The following CHN2 variants were observed in gnomAD, a reference collection of about 807,000 sequenced individuals.
CHN2 encodes the protein chimerin 2, also known as beta-chimaerin.
CHN2 carries 35 observed loss-of-function variants against 56.3 expected under a neutral mutation model. That is an observed-to-expected ratio of 0.62 (90% CI 0.47 to 0.82). The LOEUF (loss-of-function observed/expected upper bound fraction) is 0.82. CHN2 is among the 40% of genes least tolerant of loss of function. The probability of loss-of-function intolerance (pLI) is 0.00; values close to 1 mark genes in which losing one functional copy is unlikely to be tolerated. For missense variants in CHN2, 491 were observed against 580.5 expected (o/e 0.85, Z 1.58); for synonymous variants, 210 against 212.8 (o/e 0.99, Z 0.12).
At chr7:29,286,482 T>G (rs1410779901) in intron 1 of CHN2, among the ~76,000 whole-genome samples, 1 of 152,130 alleles carries the variant, frequency 6.6e-6, no homozygotes, top group Non-Finnish European at 1.5e-5. Flanking sequence ...CAAGGCTGTG[T>G]TTACCTCTGA....
At chr7:29,180,839 C>G (rs890321723) in intron 2 of CHN2, among the ~76,000 whole-genome samples, 1 of 152,178 alleles carries the variant, frequency 6.6e-6, no homozygotes, top group Non-Finnish European at 1.5e-5. Flanking sequence ...ATCCGTATAC[C>G]TCTTGGAGTT....
At chr7:29,399,389 A>G (rs932752695) in intron 5 of CHN2, among the ~76,000 whole-genome samples, 1 of 152,222 alleles carries the variant, frequency 6.6e-6, no homozygotes, top group Non-Finnish European at 1.5e-5. Context: ...TCGTGAGGGC[A>G]GTCATGACCC....
intron 6 of CHN2, among the ~76,000 whole-genome samples, chr7:29,478,154 A>G (rs1258454186): frequency 6.6e-6 from 1 of 152,234 alleles, no homozygotes; most frequent in Non-Finnish European, 1.5e-5. Flanking sequence ...GGGTAGCATT[A>G]GAATCAGAAT....
intron 6 of CHN2, among the ~76,000 whole-genome samples, chr7:29,475,260 G>A (rs1037110219): frequency 6.6e-6 from 1 of 152,154 alleles, no homozygotes; most frequent in African/African-American, 2.4e-5. Flanking sequence ...AAGAAGTGGT[G>A]AGCTTATGTC....
intron 3 of CHN2, among the ~76,000 whole-genome samples, chr7:29,377,907 A>G (rs1288742427): frequency 6.6e-6 from 1 of 152,250 alleles, no homozygotes; most frequent in Non-Finnish European, 1.5e-5. Context: ...AAAGAAATTA[A>G]ATAGCCTTGG....
intron 2 of CHN2, among the ~76,000 whole-genome samples, chr7:29,148,860 G>A (rs772346636): frequency 6.6e-6 from 1 of 152,136 alleles, no homozygotes; most frequent in African/African-American, 2.4e-5. Context: ...GTGTGTGTGT[G>A]GGGGAACAGA....
intron 6 of CHN2, among the ~76,000 whole-genome samples, chr7:29,453,198 C>T (rs989448037): frequency 2.0e-5 from 3 of 152,140 alleles, no homozygotes; most frequent in East Asian, 1.9e-4. Context: ...AAGAAACTGA[C>T]GTCAGGGTCA....
chr7:29,301,028 G>T (rs969408260), intron 1 of CHN2, among the ~76,000 whole-genome samples: 1 of 152,108 alleles, frequency 6.6e-6, no homozygotes, highest in Non-Finnish European at 1.5e-5. Flanking sequence ...AATTAAAGCT[G>T]TAATGTTTTA....
At chr7:29,474,593 G>A (rs1786433707) in intron 6 of CHN2, among the ~76,000 whole-genome samples, 1 of 152,188 alleles carries the variant, frequency 6.6e-6, no homozygotes, top group Non-Finnish European at 1.5e-5. Flanking sequence ...AGCAGAGAAG[G>A]CTGCAACAGC....
intron 1 of CHN2, among the ~76,000 whole-genome samples, chr7:29,352,449 C>T (rs185748832): frequency 2.6e-4 from 39 of 152,136 alleles, no homozygotes; most frequent in Admixed American, 9.2e-4. Context: ...GGCCGGGGCA[C>T]GGTGGCTCAT....
intron 1 of CHN2, among the ~76,000 whole-genome samples, chr7:29,247,402 G>A (rs1788157474): frequency 6.6e-6 from 1 of 152,132 alleles, no homozygotes; most frequent in African/African-American, 2.4e-5. Context: ...CGGCACTCAG[G>A]GAAGTGGCTG....
chr7:29,489,876 T>C (rs1362116082), intron 7 of CHN2, among the ~76,000 whole-genome samples: 1 of 152,278 alleles, frequency 6.6e-6, no homozygotes, highest in East Asian at 1.9e-4. Flanking sequence ...TTTAAAAATA[T>C]TGGCAAAAAA....
intron 3 of CHN2, among the ~76,000 whole-genome samples, chr7:29,384,575 C>G (rs114991890): frequency 0.017 from 2,548 of 152,230 alleles, 79 homozygotes; most frequent in African/African-American, 0.057. Context: ...GGGTGAAGAT[C>G]AGAACCAGTA....
At chr7:29,346,653 C>T (rs1797462448) in intron 1 of CHN2, among the ~76,000 whole-genome samples, 1 of 152,148 alleles carries the variant, frequency 6.6e-6, no homozygotes, top group Non-Finnish European at 1.5e-5. Flanking sequence ...CTTCAACTTC[C>T]TTGATAGCTC....
chr7:29,446,422 A>G (rs1184473931), intron 6 of CHN2, among the ~76,000 whole-genome samples: 1 of 152,200 alleles, frequency 6.6e-6, no homozygotes, highest in Non-Finnish European at 1.5e-5. Context: ...TCTATATCTC[A>G]AAAGTGTTTC....
chr7:29,384,432 T>C (rs1430300414), intron 3 of CHN2, among the ~76,000 whole-genome samples: 1 of 152,078 alleles, frequency 6.6e-6, no homozygotes, highest in Non-Finnish European at 1.5e-5. Context: ...GGAATGACAG[T>C]CTCCATGTGA....
intron 6 of CHN2, among the ~76,000 whole-genome samples, chr7:29,412,614 C>G (rs911257429): frequency 6.6e-6 from 1 of 152,144 alleles, no homozygotes; most frequent in Admixed American, 6.5e-5. Context: ...CAGGCGTGAG[C>G]CACCGCGCCA....
intron 6 of CHN2, among the ~76,000 whole-genome samples, chr7:29,412,304 C>T (rs1019161311): frequency 7.6e-5 from 11 of 145,080 alleles, no homozygotes; most frequent in Admixed American, 5.6e-4. Flanking sequence ...AAGATTAAGG[C>T]GCTCTGCTAA....
intron 1 of CHN2, among the ~76,000 whole-genome samples, chr7:29,354,309 C>T (rs1798119676): frequency 6.6e-6 from 1 of 152,146 alleles, no homozygotes; most frequent in Non-Finnish European, 1.5e-5. Context: ...TAAGTAAATA[C>T]CATTTGAAAG....
Sources: allele counts gnomAD v4.1 joint callset (sites outside exome capture counted in the v4.1 genomes callset), GRCh38; gene constraint gnomAD v4.1.1; transcripts MANE v1.5; gene names NCBI Gene and HGNC (gene_info 2026-07-23, HGNC 2026-07-21).